Variants in LTK observed in about 807,000 individuals in gnomAD.
LTK encodes leukocyte tyrosine kinase receptor.
A neutral mutation model predicts 101.5 loss-of-function variants in LTK; 117 were observed. The ratio of observed to expected loss-of-function variants is 1.15; its 90% CI spans 0.99 to 1.34. The LOEUF is 1.34. Ranked by LOEUF, LTK falls within the 40% of genes most tolerant of loss-of-function variation. The pLI, the probability that LTK is intolerant of heterozygous loss-of-function variation, is 0.00. For missense variants in LTK, 1,252 were observed against 1,164.7 expected (o/e 1.07, Z -1.09); for synonymous variants, 563 against 494.2 (o/e 1.14, Z -1.85).
At position 41,512,963 on chromosome 15, in the gene LTK, C is replaced by A. The variant is rs761910034; in HGVS notation, c.187+14G>T. 1.9e-6 allele frequency: 3 copies of A among 1,613,318 alleles called. No individual in the cohort carries two copies. The highest frequency in any genetic ancestry group is 1.7e-5 in the Admixed American group (1 of 59,872). ...TATGGTGAGCGAAAGAGGAAGGAGG[C>A]GTCTAAAGCTCACCCGGAGAATTCA... On this transcript the variant is annotated intron_variant, in intron 2 of 19. Transcript: ENST00000263800.
intron 8 of LTK, among the ~76,000 whole-genome samples, chr15:41,508,529 C>A (rs2051357988): frequency 6.6e-6 from 1 of 151,642 alleles, no homozygotes; most frequent in Non-Finnish European, 1.5e-5. Context: ...TGCACTCCAG[C>A]CTGGGTGACA....
At chr15:41,506,027 G>C (rs376180945) in intron 11 of LTK, 22 bp from the exon 12 acceptor site, 166 of 1,568,962 alleles carry the variant, frequency 1.1e-4, no homozygotes, top group Non-Finnish European at 1.3e-4. Flanking sequence ...CACGTTGGAA[G>C]GGAGTGGGCA....
At chr15:41,512,032 C>T (rs933987300) in intron 4 of LTK, 69 bp from the exon 5 acceptor site, 29 of 1,471,638 alleles carry the variant, frequency 2.0e-5, no homozygotes, top group South Asian at 1.6e-4. Context: ...TGACCCGGCA[C>T]CGAGGAAAGC....
chr15:41,509,138 G>A lies in LTK; in HGVS notation c.998-9C>T. 6.6e-7 allele frequency: 1 copy of A among 1,521,974 alleles called. No homozygotes were observed. The highest frequency in any genetic ancestry group is 9.1e-7 in the Non-Finnish European group (1 of 1,096,190). 94.3% of individuals were successfully genotyped at this position (1,521,974 alleles called of 1,614,324 possible). Reference sequence around the variant, plus strand: ...CTCTGAAGCGTCGCCCCCTGGAAGTGGAGAGTGATGGAGAGTTTGACTACA... The same window carrying A: ...CTCTGAAGCGTCGCCCCCTGGAAGTAGAGAGTGATGGAGAGTTTGACTACA... On this transcript the variant is annotated splice_polypyrimidine_tract_variant and intron_variant, in intron 7 of 19. Coordinates refer to ENST00000263800, the MANE Select transcript of LTK (RefSeq NM_002344.6).
rs938902713 is a variant in LTK, at chr15:41,512,796, G to A, written c.270C>T (p.Tyr90=). The change falls in exon 3 of 20, where the codon TAC becomes TAT. Residue 90 remains tyrosine (Y), a synonymous_variant. Transcript: ENST00000263800. ...CGGTCACCACCACGCTGGTCCCCGC[G>A]TACGCCCCGTCACATTGTGTCTGTG... ...GPTQTQCDGA[Y]AGTSVVVTVG... is the part of the protein sequence containing the mutation. 2 of 1,612,358 alleles carry A rather than the reference G, an allele frequency of 1.2e-6. No homozygotes were observed.
At chr15:41,509,507 G>GTA (rs538557518) in intron 7 of LTK, among the ~76,000 whole-genome samples, 140 of 152,320 alleles carry the variant, frequency 9.2e-4, no homozygotes, top group Non-Finnish European at 1.6e-3. Context: ...TTCTGATTCA[G>GTA]TATGTTAGAG....
rs2051230311 is a variant in LTK at position 41,505,271 on chromosome 15, A to G, written c.1862T>C (p.Leu621Pro). Residue 621 changes from leucine to proline, a missense_variant, in exon 15 of 20, where the codon CTG (leucine) becomes CCG (proline). By Grantham distance (98) the Leu-to-Pro change is moderately conservative (BLOSUM62 -3). Coordinates refer to ENST00000263800, the MANE Select transcript of LTK (RefSeq NM_002344.6). ...CTGGGCTATGTCCTGGGCCAGTTGC[A>G]GCAGGTCCCGCATGACCAGAGGTGA... ...QPSPLVMRDL[L>P]QLAQDIAQGC... 6.2e-7 allele frequency: 1 copy of G among 1,613,892 alleles called. No individual in the cohort carries two copies. The highest frequency in any genetic ancestry group is 1.3e-5 in the African/African-American group (1 of 74,846).
intron 1 of LTK, among the ~76,000 whole-genome samples, 154 bp from the exon 2 acceptor site, chr15:41,513,274 C>G (rs903750807): frequency 6.6e-6 from 1 of 151,574 alleles, no homozygotes. Context: ...CTACCCGACT[C>G]CGGTCGCAGA....
chr15:41,504,331 C>CG lies in LTK; in HGVS notation c.2346+10dup. 6.2e-7 allele frequency: 1 copy of CG among 1,613,874 alleles called. No individual in the cohort carries two copies. Among genetic ancestry groups the CG allele is most frequent in the South Asian group, 1.1e-5 (1 of 91,064 alleles). ...ACAAGACCAGGATGTTAGATTAGGT[C>CG]GGGGGCACACCTGAGTGCAGTACTG... is the stretch of plus-strand genomic sequence containing the variant. On this transcript the variant is annotated intron_variant, in intron 19 of 19. Coordinates refer to ENST00000263800, the MANE Select transcript of LTK (RefSeq NM_002344.6).
rs560724879 is a variant in LTK, at chr15:41,513,775, T to C, written c.-66A>G. The C allele has an allele frequency of 1.7e-5, 24 of 1,426,452 alleles. No homozygotes were observed. Among genetic ancestry groups the C allele is most frequent in the Non-Finnish European group, 2.3e-5 (23 of 1,009,634 alleles). The allele number at this position is 1,426,452 out of a possible 1,614,324, so 88.4% of individuals were successfully genotyped here. A position where few individuals can be genotyped will look rare whatever the true frequency, so the allele number is the denominator to read the frequency against. ...CGGCCACACCCCTGTCAACCTAAAG[T>C]TGACAGCTCATTTTGCCACGGCAGC... On this transcript the variant is annotated 5_prime_UTR_variant, in exon 1 of 20. Transcript: ENST00000263800.
rs2051544963 is a variant in LTK at position 41,513,055 on chromosome 15, CCAG to C, written c.106_108del (p.Leu36del). 2 of 1,611,772 alleles carry C rather than the reference CCAG, an allele frequency of 1.2e-6. No homozygotes were observed. The highest frequency in any genetic ancestry group is 1.7e-6 in the Non-Finnish European group (2 of 1,179,488). On this transcript the variant is annotated inframe_deletion, in exon 2 of 20. Transcript: ENST00000263800. The stretch of plus-strand genomic sequence containing the variant: ...TTCGGGTCCCGGGGGCTGGGACTTG[CCAG>C]CGGCAGGGGCGAGGACCGCAGAAAA...
chr15:41,508,060 A>G lies in LTK; in HGVS notation c.1249+9T>C, dbSNP rs778557349. 1.3e-6 allele frequency: 2 copies of G among 1,588,754 alleles called. No individual in the cohort carries two copies. Among genetic ancestry groups the G allele is most frequent in the Non-Finnish European group, 1.7e-6 (2 of 1,167,270 alleles). ...AGGAGTCCAGACCTTGGGCAAAGGT[A>G]GGACATACCCATGCAGGTGACGTTA... On this transcript the variant is annotated intron_variant, in intron 9 of 19. Coordinates refer to ENST00000263800, the MANE Select transcript of LTK (RefSeq NM_002344.6).
Position 41,504,853 on chromosome 15 carries a change from C to T in LTK, c.2040G>A (p.Gly680=), listed in dbSNP as rs764457664. Residue 680 remains glycine, a synonymous_variant, in exon 17 of 20, where the codon GGG becomes GGA. Coordinates refer to ENST00000263800, the MANE Select transcript of LTK (RefSeq NM_002344.6). ...ACTTGACTGGGAGCAAGGCCCGGTC[C>T]CCCCTGCGGTAATAACTGGCCCTAC... The part of the protein sequence containing the change: ...DIYRASYYRR[G]DRALLPVKWM... The T allele has an allele frequency of 1.9e-6, 3 of 1,612,898 alleles. No individual in the cohort carries two copies. The highest frequency in any genetic ancestry group is 1.7e-5 in the Admixed American group (1 of 59,856).
chr15:41,504,351 G>C lies in LTK; in HGVS notation c.2337C>G (p.Tyr779Ter). 1.2e-6 allele frequency: 2 copies of C among 1,614,144 alleles called. No individual in the cohort carries two copies. Among genetic ancestry groups the C allele is most frequent in the Non-Finnish European group, 1.7e-6 (2 of 1,180,018 alleles). The part of the protein sequence containing the change: ...SFASILERLQ[Y>*]CTQDPDVLNS... ...TAGGTCGGGGGCACACCTGAGTGCA[G>C]TACTGCAGACGCTCCAAGATGCTGG... Residue 779 changes from tyrosine to a stop codon, truncating the protein, a stop_gained, in exon 19 of 20, where the codon TAC becomes TAG. Transcript: ENST00000263800. LOFTEE classifies it low-confidence loss of function (END_TRUNC).
chr15:41,505,318 GA>G lies in LTK; in HGVS notation c.1828-14del, dbSNP rs1337935979. 2.5e-6 allele frequency: 4 copies of G among 1,613,822 alleles called. No homozygotes were observed. The highest frequency in any genetic ancestry group is 3.4e-6 in the Non-Finnish European group (4 of 1,179,784). On this transcript the variant is annotated splice_polypyrimidine_tract_variant and intron_variant, in intron 14 of 19. Coordinates refer to ENST00000263800, the MANE Select transcript of LTK (RefSeq NM_002344.6). ...GTGATGGCTGGCCCTGGGTCAGGCA[GA>G]GGGGGCATCAGTCCATGTAGGTCTC...
At chr15:41,513,545 T>C (rs2051563006) in intron 1 of LTK, 122 bp downstream of exon 1, 3 of 894,284 alleles carry the variant, frequency 3.4e-6, no homozygotes, top group African/African-American at 1.6e-5. Context: ...CCGGAGAAAT[T>C]TGGCTGTGAG....
chr15:41,513,133 G>A lies in LTK; in HGVS notation c.44-13C>T, dbSNP rs950720602. 4 of 1,584,468 alleles carry A rather than the reference G, an allele frequency of 2.5e-6. No individual in the cohort carries two copies. In the African/African-American group the frequency reaches 5.4e-5, roughly 21 times the overall value. The stretch of plus-strand genomic sequence containing the variant: ...CAGAGAATGGCGCCTGAAAGGTGTT[G>A]GGAGAAGGCGCAGGACGTTAAGGCG... On this transcript the variant is annotated splice_polypyrimidine_tract_variant and intron_variant, in intron 1 of 19. Transcript: ENST00000263800.
chr15:41,507,047 G>C, intron 11 of LTK, 48 bp downstream of exon 11: 1 of 1,531,414 alleles, frequency 6.5e-7, no homozygotes, highest in Non-Finnish European at 8.9e-7. Context: ...AGAATCAGAG[G>C]TGGGGATTCA....
rs78210545 is a variant in LTK, at chr15:41,508,798, G to A, written c.1096+233C>T. Among the ~76,000 whole-genome samples the A allele has an allele frequency of 8.6e-3, 1,313 of 152,230 alleles. 16 individuals carry two copies. The highest frequency in any genetic ancestry group is 0.03 in the African/African-American group (1,236 of 41,538). On this transcript the variant is annotated intron_variant, in intron 8 of 19. Coordinates refer to ENST00000263800, the MANE Select transcript of LTK (RefSeq NM_002344.6). ...CATGCCCTGCATTGCCATCCAGCAC[G>A]ACTGGCAGCCCACTTTCCTTTTTTT...
Sources: allele counts gnomAD v4.1 joint callset (sites outside exome capture counted in the v4.1 genomes callset), GRCh38; gene constraint gnomAD v4.1.1; transcripts MANE v1.5; gene names NCBI Gene and HGNC (gene_info 2026-07-23, HGNC 2026-07-21).